Variants in SLC24A3 observed in about 807,000 individuals in gnomAD.
SLC24A3 encodes the protein solute carrier family 24 member 3.
A neutral mutation model predicts 75.8 loss-of-function variants in SLC24A3; 28 were observed. That is an observed-to-expected ratio of 0.37 (90% CI 0.27 to 0.51). The LOEUF (loss-of-function observed/expected upper bound fraction) is 0.51. Ranked by LOEUF, SLC24A3 falls within the 20% of genes least tolerant of loss-of-function variation. The pLI, the probability that SLC24A3 is intolerant of heterozygous loss-of-function variation, is 0.94. For missense variants in SLC24A3, 663 were observed against 847.8 expected (o/e 0.78, Z 2.71); for synonymous variants, 372 against 334.1 (o/e 1.11, Z -1.24).
At chr20:19,492,298 A>T (rs1600251696) in intron 2 of SLC24A3, among the ~76,000 whole-genome samples, 1 of 152,166 alleles carries the variant, frequency 6.6e-6, no homozygotes, top group Non-Finnish European at 1.5e-5. Flanking sequence ...AGGGTTTTAG[A>T]TTTGTCTCTG....
At chr20:19,598,114 T>G (rs1444107833) in intron 6 of SLC24A3, among the ~76,000 whole-genome samples, 1 of 151,846 alleles carries the variant, frequency 6.6e-6, no homozygotes, top group Non-Finnish European at 1.5e-5. Flanking sequence ...GTTTGAGGGG[T>G]GTTTTTGGGA....
intron 2 of SLC24A3, among the ~76,000 whole-genome samples, chr20:19,495,159 T>G (rs1264364060): frequency 1.3e-5 from 2 of 152,158 alleles, no homozygotes; most frequent in Non-Finnish European, 2.9e-5. Flanking sequence ...TGAGGTTGCA[T>G]GCACTGGCCA....
At chr20:19,669,623 G>A (rs1196412612) in intron 8 of SLC24A3, among the ~76,000 whole-genome samples, 7 of 152,186 alleles carry the variant, frequency 4.6e-5, no homozygotes, top group Admixed American at 4.6e-4. Flanking sequence ...GAGTCTGAAG[G>A]CCCAACAAGA....
At chr20:19,687,051 T>G (rs2032684576) in intron 12 of SLC24A3, among the ~76,000 whole-genome samples, 2 of 152,206 alleles carry the variant, frequency 1.3e-5, no homozygotes, top group Admixed American at 6.5e-5. Context: ...CCACATATTT[T>G]GCAGCTCAAA....
chr20:19,322,879 A>G (rs1984746105), intron 2 of SLC24A3, among the ~76,000 whole-genome samples: 1 of 152,192 alleles, frequency 6.6e-6, no homozygotes. Context: ...TGGGGCTGGA[A>G]GGAACCCATT....
chr20:19,649,151 C>T (rs2032171331), intron 6 of SLC24A3, among the ~76,000 whole-genome samples: 1 of 152,196 alleles, frequency 6.6e-6, no homozygotes, highest in African/African-American at 2.4e-5. Context: ...GGACACCTGC[C>T]AACAGATGCA....
chr20:19,456,888 A>G (rs1987587197), intron 2 of SLC24A3, among the ~76,000 whole-genome samples: 1 of 152,222 alleles, frequency 6.6e-6, no homozygotes, highest in African/African-American at 2.4e-5. Flanking sequence ...TGGCAGGTAC[A>G]GTGTACAGTG....
chr20:19,518,958 G>A (rs191289613), intron 3 of SLC24A3, among the ~76,000 whole-genome samples: 5 of 152,164 alleles, frequency 3.3e-5, no homozygotes, highest in African/African-American at 1.2e-4. Flanking sequence ...TGAAGATCTG[G>A]GACTGCCTTA....
chr20:19,681,967 G>T lies in SLC24A3; in HGVS notation c.877G>T (p.Ala293Ser). The change falls in exon 10 of 17, where the codon GCA becomes TCA. Residue 293 changes from alanine to serine, a missense_variant. By Grantham distance (99) the Ala-to-Ser change is moderately conservative. Coordinates refer to ENST00000328041, the MANE Select transcript of SLC24A3 (RefSeq NM_020689.4). ...AATTGATGACAGCAGCAACTGCGAC[G>T]CAACTGTGGTGCTACTTAAGAAAGG... ...AEIDDSSNCDATVVLLKKANF... is the reference protein window; with the variant it reads ...AEIDDSSNCDSTVVLLKKANF... The T allele has an allele frequency of 6.2e-7, 1 of 1,614,146 alleles. No homozygotes were observed. The highest frequency in any genetic ancestry group is 8.5e-7 in the Non-Finnish European group (1 of 1,180,016).
At chr20:19,592,318 A>G (rs2031389564) in intron 6 of SLC24A3, among the ~76,000 whole-genome samples, 1 of 152,170 alleles carries the variant, frequency 6.6e-6, no homozygotes, top group African/African-American at 2.4e-5. Flanking sequence ...TCTTCTTATT[A>G]TATTGTCCAG....
At chr20:19,703,332 T>A (rs575509744) in intron 15 of SLC24A3, among the ~76,000 whole-genome samples, 3 of 152,352 alleles carry the variant, frequency 2.0e-5, no homozygotes, top group African/African-American at 7.2e-5. Context: ...GTTTCACAGT[T>A]ATTAACCACA....
chr20:19,593,165 G>A (rs540704109), intron 6 of SLC24A3, among the ~76,000 whole-genome samples: 48 of 152,326 alleles, frequency 3.2e-4, no homozygotes, highest in East Asian at 2.1e-3. Flanking sequence ...GTCCCAAGAT[G>A]AGAGTCCATT....
intron 1 of SLC24A3, among the ~76,000 whole-genome samples, chr20:19,230,626 G>T (rs892182556): frequency 6.8e-6 from 1 of 146,270 alleles, no homozygotes; most frequent in South Asian, 2.2e-4. Context: ...ACATATTGAT[G>T]GGGGGGAATG....
intron 2 of SLC24A3, among the ~76,000 whole-genome samples, chr20:19,318,932 T>A (rs1984644396): frequency 6.6e-6 from 1 of 152,148 alleles, no homozygotes; most frequent in Non-Finnish European, 1.5e-5. Context: ...AGATAGCATC[T>A]TTACTTCCAC....
intron 3 of SLC24A3, among the ~76,000 whole-genome samples, chr20:19,537,088 C>T (rs899909770): frequency 6.6e-6 from 1 of 152,106 alleles, no homozygotes; most frequent in Non-Finnish European, 1.5e-5. Flanking sequence ...AGTGAACAGG[C>T]AACCTACAGA....
rs530719839 is a variant in SLC24A3 at position 19,473,064 on chromosome 20, T to C, written c.272-42424T>C. Among the ~76,000 whole-genome samples the C allele has an allele frequency of 8.5e-5, 13 of 152,330 alleles. No homozygotes were observed. In the East Asian group the frequency reaches 1.5e-3, roughly 18 times the overall value. On this transcript the variant is annotated intron_variant, in intron 2 of 16. Transcript: ENST00000328041. ...TCAGACATACAGAGGCCGCTATGCA[T>C]CTGATACCAGAGTTAGTATTTCTGG...
chr20:19,537,322 G>A (rs1600271208), intron 3 of SLC24A3, among the ~76,000 whole-genome samples: 1 of 152,096 alleles, frequency 6.6e-6, no homozygotes, highest in South Asian at 2.1e-4. Flanking sequence ...CAAAACCACA[G>A]CGAGATACCA....
At chr20:19,540,060 G>A (rs535172566) in intron 3 of SLC24A3, among the ~76,000 whole-genome samples, 1 of 152,258 alleles carries the variant, frequency 6.6e-6, no homozygotes, top group Non-Finnish European at 1.5e-5. Flanking sequence ...TGGTTTCTGT[G>A]GTTCACTTGG....
chr20:19,376,849 G>A (rs567419152), intron 2 of SLC24A3, among the ~76,000 whole-genome samples: 4 of 152,300 alleles, frequency 2.6e-5, no homozygotes, highest in East Asian at 3.9e-4. Context: ...GGGCAAAGAC[G>A]GCCAGGTGGA....
Sources: allele counts gnomAD v4.1 joint callset (sites outside exome capture counted in the v4.1 genomes callset), GRCh38; gene constraint gnomAD v4.1.1; transcripts MANE v1.5; gene names NCBI Gene and HGNC (gene_info 2026-07-23, HGNC 2026-07-21).